Variants in AGK observed in about 807,000 individuals in gnomAD.
The protein encoded by AGK is acylglycerol kinase.
Under a neutral mutation model 66.4 loss-of-function variants are expected in AGK, and 52 were observed. The ratio of observed to expected loss-of-function variants is 0.78; its 90% CI spans 0.63 to 0.99. The LOEUF (loss-of-function observed/expected upper bound fraction) is 0.99, where lower values mean the gene tolerates loss of function less well. Ranked by LOEUF, AGK falls within the 50% of genes least tolerant of loss-of-function variation. The pLI, the probability that AGK is intolerant of heterozygous loss-of-function variation, is 0.00. For missense variants in AGK, 451 were observed against 506.6 expected, an observed-to-expected ratio of 0.89 and a Z score of 1.05; for synonymous variants, 182 against 181.1, an observed-to-expected ratio of 1.00 and a Z score of -0.04.
At chr7:141,652,692 T>C in intron 15 of AGK, 95 bp from the exon 16 acceptor site, 1 of 1,352,046 alleles carries the variant, frequency 7.4e-7, no homozygotes, top group Non-Finnish European at 1.0e-6. Context: ...GATGTTGTTT[T>C]CCATAATGAA....
At chr7:141,579,839 G>A (rs1424350954) in intron 2 of AGK, among the ~76,000 whole-genome samples, 2 of 152,122 alleles carry the variant, frequency 1.3e-5, no homozygotes, top group East Asian at 3.9e-4. Context: ...AGAACCATTT[G>A]CCTTGTGTGG....
At chr7:141,632,427 C>T (rs1186585410) in intron 9 of AGK, among the ~76,000 whole-genome samples, 1 of 152,152 alleles carries the variant, frequency 6.6e-6, no homozygotes, top group Non-Finnish European at 1.5e-5. Flanking sequence ...CCTGTGCTGG[C>T]TGTCTTATGG....
intron 2 of AGK, among the ~76,000 whole-genome samples, chr7:141,572,556 G>T (rs1795627843): frequency 6.6e-6 from 1 of 152,142 alleles, no homozygotes; most frequent in Admixed American, 6.5e-5. Context: ...GATTAAATAG[G>T]TGTGTCAAGT....
rs776937126 is a variant in AGK at position 141,611,190 on chromosome 7, T to G, written c.298-5T>G. ...AACTCACCAAAGGCTTCCTTGGTATTTCAGACAGATTATGAGGGACAAGCC... is the reference window on the plus strand; with the variant it reads ...AACTCACCAAAGGCTTCCTTGGTATGTCAGACAGATTATGAGGGACAAGCC... On this transcript the variant is annotated splice_region_variant and splice_polypyrimidine_tract_variant and intron_variant, in intron 5 of 15. Transcript: ENST00000649286. 3 of 1,608,296 alleles carry G rather than the reference T, an allele frequency of 1.9e-6. No individual in the cohort carries two copies. The highest frequency in any genetic ancestry group is 2.6e-6 in the Non-Finnish European group (3 of 1,175,854).
intron 5 of AGK, among the ~76,000 whole-genome samples, chr7:141,606,612 A>C (rs1796465605): frequency 6.6e-6 from 1 of 152,148 alleles, no homozygotes; most frequent in Non-Finnish European, 1.5e-5. Flanking sequence ...TAGTGTTATA[A>C]ATTTCCTACA....
rs1190641661 is a variant in AGK, at chr7:141,598,747, C to T, written c.221+2106C>T. On this transcript the variant is annotated intron_variant, in intron 4 of 15. Transcript: ENST00000649286. The surrounding 1 kb of genome is among the most constrained non-coding windows in gnomAD (Gnocchi z 4.2). ...CCCAGAAGCTCTTGTACCTCTCCTTCGACCTACTTCAGTGTAACTCTTCTA... is the reference window on the plus strand; with the variant it reads ...CCCAGAAGCTCTTGTACCTCTCCTTTGACCTACTTCAGTGTAACTCTTCTA... Among the ~76,000 whole-genome samples, 2 of 152,168 alleles carry T rather than the reference C, an allele frequency of 1.3e-5. No homozygotes were observed. Among genetic ancestry groups the T allele is most frequent in the African/African-American group, 2.4e-5 (1 of 41,442 alleles).
chr7:141,567,879 G>A (rs144677379), intron 2 of AGK, among the ~76,000 whole-genome samples: 2 of 152,314 alleles, frequency 1.3e-5, no homozygotes, highest in African/African-American at 4.8e-5. Flanking sequence ...TCCTAGCAGT[G>A]TGACCCTGTG....
rs1303487290 is a variant in AGK at position 141,654,780 on chromosome 7, C to T, written c.*1856C>T. The T allele has an allele frequency of 1.3e-5, 2 of 152,218 alleles. No individual in the cohort carries two copies. Among genetic ancestry groups the T allele is most frequent in the African/African-American group, 4.8e-5 (2 of 41,428 alleles). The allele number at this position is 152,218 out of a possible 1,614,324, so 9.4% of individuals were successfully genotyped here. Reference sequence around the variant, plus strand: ...AGGCAGATCCCTTTTAAGATACATACACCATGCCCACACATCCCATGGAGA... The same window carrying T: ...AGGCAGATCCCTTTTAAGATACATATACCATGCCCACACATCCCATGGAGA... On this transcript the variant is annotated 3_prime_UTR_variant, in exon 16 of 16. Transcript: ENST00000649286.
At chr7:141,645,328 T>C (rs1797386997) in intron 13 of AGK, among the ~76,000 whole-genome samples, 1 of 152,198 alleles carries the variant, frequency 6.6e-6, no homozygotes, top group African/African-American at 2.4e-5. Context: ...TATTAAAATT[T>C]CATTTTCTAC....
intron 14 of AGK, 64 bp downstream of exon 14, chr7:141,649,397 T>G: frequency 2.4e-6 from 3 of 1,236,124 alleles, no homozygotes; most frequent in Non-Finnish European, 3.6e-6. Context: ...CTATTCAGAG[T>G]GCCCCATGAA....
chr7:141,629,123 A>G (rs922214594), intron 9 of AGK, among the ~76,000 whole-genome samples: 1 of 152,162 alleles, frequency 6.6e-6, no homozygotes, highest in Non-Finnish European at 1.5e-5. Flanking sequence ...AAGCTGCTTC[A>G]GAACTCCTTT....
chr7:141,599,688 CA>C (rs1451169841), intron 4 of AGK, among the ~76,000 whole-genome samples: 2 of 152,130 alleles, frequency 1.3e-5, no homozygotes, highest in African/African-American at 4.8e-5. Flanking sequence ...GTAATGAAAG[CA>C]ACCCTGGAAG....
At chr7:141,588,841 T>A (rs1587097110) in intron 2 of AGK, among the ~76,000 whole-genome samples, 1 of 152,158 alleles carries the variant, frequency 6.6e-6, no homozygotes, top group South Asian at 2.1e-4. Context: ...GCCATGGCAT[T>A]TGTAAACTGT....
chr7:141,601,171 G>A (rs372344724), intron 4 of AGK, 34 bp from the exon 5 acceptor site: 147 of 1,518,582 alleles, frequency 9.7e-5, no homozygotes, highest in Non-Finnish European at 1.2e-4. Flanking sequence ...GATAACCTGT[G>A]TTAAAATGTT....
At chr7:141,623,407 A>AG (rs1796868535) in intron 9 of AGK, among the ~76,000 whole-genome samples, 2 of 149,896 alleles carry the variant, frequency 1.3e-5, no homozygotes, top group African/African-American at 2.5e-5. Flanking sequence ...AAAAAAAGAA[A>AG]GAAAAAAAAA....
At chr7:141,575,719 A>T (rs1795722762) in intron 2 of AGK, among the ~76,000 whole-genome samples, 2 of 135,860 alleles carry the variant, frequency 1.5e-5, no homozygotes, top group Admixed American at 1.7e-4. Flanking sequence ...AAACTTTCAC[A>T]GAAAATAAAA....
rs1183478906 is a variant in AGK at position 141,652,781 on chromosome 7, C to T, written c.1132-6C>T. 2 of 1,612,538 alleles carry T rather than the reference C, an allele frequency of 1.2e-6. No individual in the cohort carries two copies. Among genetic ancestry groups the T allele is most frequent in the African/African-American group, 2.7e-5 (2 of 74,866 alleles). On this transcript the variant is annotated splice_polypyrimidine_tract_variant and splice_region_variant and intron_variant, in intron 15 of 15. Coordinates refer to ENST00000649286, the MANE Select transcript of AGK (RefSeq NM_018238.4). ...TGAGCTGTTCTGAATATTCTCTTCT[C>T]CCCAGGGAGCAGGGGGCTCTTTTAG...
At chr7:141,604,500 AAAC>A (rs1262940382) in intron 5 of AGK, among the ~76,000 whole-genome samples, 1 of 150,816 alleles carries the variant, frequency 6.6e-6, no homozygotes, top group East Asian at 1.9e-4. Flanking sequence ...TATATCCTAA[AAAC>A]AAGGGCACTC....
intron 11 of AGK, among the ~76,000 whole-genome samples, chr7:141,638,589 T>G (rs749946871): frequency 6.6e-6 from 1 of 152,148 alleles, no homozygotes; most frequent in Non-Finnish European, 1.5e-5. Context: ...GTTGTTAAAG[T>G]AGTCAGGTGG....
Sources: gnomAD v4.1 joint callset for allele counts (sites outside exome capture counted in the v4.1 genomes callset) on GRCh38, gnomAD v4.1.1 for gene constraint, Gnocchi (gnomAD v3.1) non-coding constraint, MANE v1.5 for transcripts, NCBI Gene and HGNC (gene_info 2026-07-23, HGNC 2026-07-21) for gene names.